Variants in PCDH15 observed in about 807,000 individuals in gnomAD.
PCDH15 encodes the protein protocadherin related 15.
In PCDH15, 129 loss-of-function variants were observed where a neutral mutation model predicts 178.5. That is an observed-to-expected ratio of 0.72 (90% CI 0.63 to 0.84). PCDH15 has a LOEUF of 0.84. Ranked by LOEUF, PCDH15 falls within the 40% of genes least tolerant of loss-of-function variation. The probability of loss-of-function intolerance (pLI) is 0.00; values close to 1 mark genes in which losing one functional copy is unlikely to be tolerated. For missense variants in PCDH15, 2,230 were observed against 2,099.9 expected (o/e 1.06, Z -1.21); for synonymous variants, 800 against 732.0 (o/e 1.09, Z -1.50).
intron 20 of PCDH15, among the ~76,000 whole-genome samples, chr10:54,002,074 T>C (rs75362053): frequency 1.2e-3 from 89 of 75,730 alleles, no homozygotes; most frequent in African/African-American, 4.9e-3. Context: ...CATGTATATA[T>C]ATACATATAT....
At chr10:54,284,268 C>T (rs758735778) in intron 8 of PCDH15, among the ~76,000 whole-genome samples, 1 of 152,102 alleles carries the variant, frequency 6.6e-6, no homozygotes, top group East Asian at 1.9e-4. Flanking sequence ...AATTTTGTTT[C>T]TTTTTAAATC....
intron 2 of PCDH15, among the ~76,000 whole-genome samples, chr10:54,656,940 T>G (rs559124842): frequency 6.6e-6 from 1 of 152,272 alleles, no homozygotes; most frequent in East Asian, 1.9e-4. Flanking sequence ...TGGTGTAAAC[T>G]TTTCCAGTGG....
chr10:53,942,671 A>G (rs1251826323), intron 23 of PCDH15, among the ~76,000 whole-genome samples: 4 of 152,306 alleles, frequency 2.6e-5, no homozygotes, highest in African/African-American at 9.6e-5. Flanking sequence ...ACATCCCACA[A>G]GAAACTGATT....
chr10:54,029,768 C>CT (rs947094567), intron 18 of PCDH15, among the ~76,000 whole-genome samples: 1 of 152,098 alleles, frequency 6.6e-6, no homozygotes, highest in African/African-American at 2.4e-5. Context: ...TTCCCCACCC[C>CT]TTTTTTTCTC....
intron 7 of PCDH15, among the ~76,000 whole-genome samples, chr10:54,327,937 T>C (rs745652801): frequency 1.3e-5 from 2 of 152,024 alleles, no homozygotes; most frequent in Non-Finnish European, 2.9e-5. Context: ...CTAATCAAAG[T>C]TGTACATTGG....
At chr10:53,856,192 A>C (rs893654380) in intron 28 of PCDH15, among the ~76,000 whole-genome samples, 10 of 151,526 alleles carry the variant, frequency 6.6e-5, no homozygotes, top group African/African-American at 1.9e-4. Context: ...GCTTGTGTGC[A>C]CCAAAATCTC....
chr10:54,977,559 C>T (rs1275416740), intron 2 of PCDH15, among the ~76,000 whole-genome samples: 4 of 152,110 alleles, frequency 2.6e-5, no homozygotes, highest in Non-Finnish European at 4.4e-5. Context: ...CCAATCTTTT[C>T]CTGGAAGACT....
chr10:55,038,448 T>A (rs959881215), intron 2 of PCDH15, among the ~76,000 whole-genome samples: 2 of 152,186 alleles, frequency 1.3e-5, no homozygotes, highest in African/African-American at 4.8e-5. Context: ...TCAAGGATAA[T>A]CAAAAATTGC....
rs141568733 is a variant in PCDH15, at chr10:54,190,673, T to C, written c.1305+5010A>G. Among the ~76,000 whole-genome samples the C allele has an allele frequency of 5.4e-3, 826 of 152,312 alleles. 3 individuals are homozygous for C. The highest frequency in any genetic ancestry group is 6.9e-3 in the Non-Finnish European group (469 of 68,024). On this transcript the variant is annotated intron_variant, in intron 11 of 37. Coordinates refer to ENST00000644397, the MANE Select transcript of PCDH15 (RefSeq NM_001384140.1). The stretch of plus-strand genomic sequence containing the variant: ...CTCCAGCCTCACTCTCCCAAAATGC[T>C]GAGATTATGAGTGAGCCACCACACC...
chr10:55,541,258 G>GA (rs536778678), intron 2 of PCDH15, among the ~76,000 whole-genome samples: 8 of 151,484 alleles, frequency 5.3e-5, no homozygotes, highest in East Asian at 1.9e-4. Flanking sequence ...CATTATGAAA[G>GA]AAAAAAAATA....
Position 54,133,106 on chromosome 10 carries a change from A to AAT in PCDH15, c.1785-101_1785-100dup, listed in dbSNP as rs1435034642. On this transcript the variant is annotated intron_variant, in intron 14 of 37. Coordinates refer to ENST00000644397, the MANE Select transcript of PCDH15 (RefSeq NM_001384140.1). ...CAGTTGTTGGGTTTACAGGAGAAAAAATTTCCAAATTTTATGAAAAATAAT... is the reference window on the plus strand; with the variant it reads ...CAGTTGTTGGGTTTACAGGAGAAAAAATATTTCCAAATTTTATGAAAAATAAT... 4.0e-6 allele frequency: 6 copies of AAT among 1,495,734 alleles called. No individual in the cohort carries two copies. In the East Asian group the frequency reaches 1.4e-4, roughly 36 times the overall value. 92.7% of individuals were successfully genotyped at this position (1,495,734 alleles called of 1,614,324 possible).
At chr10:55,002,622 G>A in intron 2 of PCDH15, among the ~76,000 whole-genome samples, 1 of 14,244 alleles carries the variant, frequency 7.0e-5, no homozygotes, top group African/African-American at 2.0e-4. Context: ...AGCATTGACA[G>A]CAGCCAAAGC....
chr10:54,422,260 T>G (rs1292008706), intron 3 of PCDH15, among the ~76,000 whole-genome samples: 1 of 152,024 alleles, frequency 6.6e-6, no homozygotes, highest in Non-Finnish European at 1.5e-5. Context: ...AAGACCTATC[T>G]TTTACAGGCT....
chr10:54,752,511 AACAAACAAACAAACAAAC>A (rs1946451487), intron 1 of PCDH15, among the ~76,000 whole-genome samples: 2 of 85,666 alleles, frequency 2.3e-5, no homozygotes, highest in African/African-American at 1.0e-4. Flanking sequence ...AAAAACAAAA[AACAAACAAACAAACAAAC>A]AAAAAAAAAC....
rs146446362 is a variant in PCDH15, at chr10:54,487,414, G to A, written c.157+40398C>T. On this transcript the variant is annotated intron_variant, in intron 3 of 37. Coordinates refer to ENST00000644397, the MANE Select transcript of PCDH15 (RefSeq NM_001384140.1). ...TACAAGTGTGTGTTATTCTGGTGAC[G>A]GATACACTAAAAGCCCTGACTTCAC... is the stretch of plus-strand genomic sequence containing the variant. 6.6e-3 allele frequency among the ~76,000 whole-genome samples: 999 copies of A among 152,020 alleles called. 6 individuals carry two copies. Among genetic ancestry groups the A allele is most frequent in the South Asian group, 9.6e-3 (46 of 4,816 alleles).
chr10:54,285,716 G>A (rs148015739), intron 8 of PCDH15, among the ~76,000 whole-genome samples: 15 of 152,240 alleles, frequency 9.9e-5, no homozygotes, highest in Non-Finnish European at 1.3e-4. Context: ...TTCTACTACT[G>A]GGTACACATC....
At chr10:55,458,589 G>C (rs1453910868) in intron 2 of PCDH15, among the ~76,000 whole-genome samples, 1 of 151,964 alleles carries the variant, frequency 6.6e-6, no homozygotes, top group Non-Finnish European at 1.5e-5. Flanking sequence ...AGAAACACCA[G>C]TGTCTATCAG....
intron 2 of PCDH15, among the ~76,000 whole-genome samples, chr10:54,540,307 C>T (rs1175362620): frequency 2.0e-5 from 3 of 151,896 alleles, no homozygotes; most frequent in African/African-American, 7.3e-5. Flanking sequence ...ATAAGCACAA[C>T]ATAAATGACA....
At chr10:54,734,148 A>G (rs1052100430) in intron 1 of PCDH15, among the ~76,000 whole-genome samples, 17 of 151,710 alleles carry the variant, frequency 1.1e-4, no homozygotes, top group African/African-American at 3.6e-4. Context: ...CAAAGATTAG[A>G]AAAAATATGT....
Sources: gnomAD v4.1 joint callset for allele counts (sites outside exome capture counted in the v4.1 genomes callset) on GRCh38, gnomAD v4.1.1 for gene constraint, MANE v1.5 for transcripts, NCBI Gene and HGNC (gene_info 2026-07-23, HGNC 2026-07-21) for gene names.